MPP7: variants seen among roughly 807,000 people sequenced by gnomAD.
MPP7 encodes the protein MAGUK p55 subfamily member 7.
In MPP7, 60 loss-of-function variants were observed where a neutral mutation model predicts 76.5. That is an observed-to-expected ratio of 0.78 (90% CI 0.64 to 0.97). The LOEUF is 0.97. Among genes scored for constraint, MPP7 ranks in the 50% least tolerant of loss-of-function variants. The probability of loss-of-function intolerance (pLI) is 0.00; values close to 1 mark genes in which losing one functional copy is unlikely to be tolerated. For synonymous variants in MPP7, 237 were observed against 244.5 expected (o/e 0.97, Z 0.29); for missense variants, 641 against 694.0 (o/e 0.92, Z 0.86).
At chr10:28,234,945 G>C (rs1476726114) in intron 2 of MPP7, among the ~76,000 whole-genome samples, 1 of 152,178 alleles carries the variant, frequency 6.6e-6, no homozygotes, top group Non-Finnish European at 1.5e-5. Context: ...CAGGTAGCTG[G>C]AACTATAGGC....
At chr10:28,186,143 C>T (rs946538407) in intron 3 of MPP7, among the ~76,000 whole-genome samples, 6 of 152,082 alleles carry the variant, frequency 3.9e-5, no homozygotes, top group African/African-American at 1.2e-4. Context: ...GCCAAAAGTT[C>T]GAGACCAGCC....
At chr10:28,304,415 G>A (rs181310219), upstream of MPP7, among the ~76,000 whole-genome samples, 14 of 152,314 alleles carry the variant, frequency 9.2e-5, no homozygotes, top group African/African-American at 3.1e-4. Flanking sequence ...CCTGAGGAAG[G>A]AAAGGAATGT....
chr10:28,179,556 C>T (rs573039201), intron 3 of MPP7, among the ~76,000 whole-genome samples: 59 of 152,280 alleles, frequency 3.9e-4, no homozygotes, highest in African/African-American at 1.4e-3. Flanking sequence ...AGTTTCACAA[C>T]TCATTACATG....
chr10:28,073,509 C>T (rs1055290851), intron 12 of MPP7, among the ~76,000 whole-genome samples: 5 of 152,158 alleles, frequency 3.3e-5, no homozygotes, highest in East Asian at 1.9e-4. Flanking sequence ...GTGCCTCACA[C>T]CTGTAATCCC....
chr10:28,120,630 G>A lies in MPP7; in HGVS notation c.654C>T (p.Pro218=), dbSNP rs753337443. ...SQGAITFKII[P]GSKEETPSKE... Reference sequence around the variant, plus strand: ...TTGATGGTGTCTCCTCTTTGCTGCCGGGTATAATCTTAAATGTAATTGCTC... The same window carrying A: ...TTGATGGTGTCTCCTCTTTGCTGCCAGGTATAATCTTAAATGTAATTGCTC... The change falls in exon 9 of 17, where the codon CCC becomes CCT. Residue 218 remains proline, a synonymous_variant. Coordinates refer to ENST00000683449, the MANE Select transcript of MPP7 (RefSeq NM_001318170.2). The A allele has an allele frequency of 8.1e-5, 131 of 1,613,720 alleles. No individual in the cohort carries two copies. Among genetic ancestry groups the A allele is most frequent in the East Asian group, 2.0e-4 (9 of 44,814 alleles).
intron 1 of MPP7, among the ~76,000 whole-genome samples, chr10:28,289,575 C>T (rs1840865023): frequency 6.6e-6 from 1 of 152,148 alleles, no homozygotes. Flanking sequence ...AGATGTGTGG[C>T]CAAGAGCTCA....
chr10:28,251,296 C>G (rs1839605748), intron 1 of MPP7, among the ~76,000 whole-genome samples: 1 of 152,006 alleles, frequency 6.6e-6, no homozygotes, highest in South Asian at 2.1e-4. Context: ...GAAACCCCAT[C>G]TCTACTAAAA....
chr10:28,089,425 G>A (rs11006851), intron 12 of MPP7, among the ~76,000 whole-genome samples: 50,466 of 151,982 alleles, frequency 0.33, 11,390 homozygotes, highest in East Asian at 0.95. Flanking sequence ...TATTACAACA[G>A]TGTTTGCTAT....
chr10:28,188,765 G>C (rs1239932541), intron 3 of MPP7, among the ~76,000 whole-genome samples: 1 of 152,028 alleles, frequency 6.6e-6, no homozygotes, highest in African/African-American at 2.4e-5. Flanking sequence ...ATTACTTCAG[G>C]CTTCTCATCA....
chr10:28,315,253 AAGGG>A (rs199506312), intron 2 of MPP7, among the ~76,000 whole-genome samples: 1 of 133,588 alleles, frequency 7.5e-6, no homozygotes, highest in African/African-American at 2.8e-5. Context: ...GAAAGGAAGG[AAGGG>A]AGGGAGGGAA....
chr10:28,151,055 T>A (rs1385242971), intron 3 of MPP7, among the ~76,000 whole-genome samples: 1 of 152,242 alleles, frequency 6.6e-6, no homozygotes, highest in Non-Finnish European at 1.5e-5. Flanking sequence ...CCTCACAATT[T>A]CCTGTCTTTA....
intron 3 of MPP7, among the ~76,000 whole-genome samples, chr10:28,198,299 AGGCGCAGT>A (rs1418811695): frequency 7.2e-5 from 11 of 152,162 alleles, no homozygotes; most frequent in Non-Finnish European, 1.6e-4. Context: ...AATATAGGCC[AGGCGCAGT>A]GGCTCACACC....
At chr10:28,152,042 T>C (rs570214859) in intron 3 of MPP7, among the ~76,000 whole-genome samples, 1 of 152,368 alleles carries the variant, frequency 6.6e-6, no homozygotes, top group Admixed American at 6.5e-5. Context: ...GTTTTCTTTC[T>C]GATGGCTTCC....
chr10:28,252,147 T>C (rs1056761378), intron 1 of MPP7, among the ~76,000 whole-genome samples: 1 of 152,228 alleles, frequency 6.6e-6, no homozygotes, highest in Non-Finnish European at 1.5e-5. Flanking sequence ...CAAATGCTTA[T>C]CAAACTCCTG....
chr10:28,132,316 G>T (rs1835219618), intron 5 of MPP7, among the ~76,000 whole-genome samples: 1 of 152,126 alleles, frequency 6.6e-6, no homozygotes. Context: ...GTGAGTTTTG[G>T]ACTTTCAACA....
intron 1 of MPP7, among the ~76,000 whole-genome samples, chr10:28,252,921 A>G (rs112282917): frequency 0.05 from 7,300 of 145,558 alleles, 382 homozygotes; most frequent in African/African-American, 0.13. Context: ...TTTTTTTGGG[A>G]GGGGGGGGCG....
chr10:28,264,573 C>CA (rs1554861077), intron 1 of MPP7, among the ~76,000 whole-genome samples: 3 of 135,618 alleles, frequency 2.2e-5, no homozygotes, highest in African/African-American at 5.4e-5. Context: ...CCTCAGGGAG[C>CA]TTTTTTTTTT....
intron 2 of MPP7, among the ~76,000 whole-genome samples, chr10:28,314,245 C>T (rs1166608572): frequency 1.3e-5 from 2 of 152,156 alleles, no homozygotes; most frequent in African/African-American, 2.4e-5. Context: ...GGAAAGAATA[C>T]AAACATGTTT....
In MPP7 at chr10:28,258,382, TTATA is replaced by T. The variant is rs59151395; in HGVS notation, c.-131-19651_-131-19648del. On this transcript the variant is annotated intron_variant, in intron 1 of 16. Coordinates refer to ENST00000683449, the MANE Select transcript of MPP7 (RefSeq NM_001318170.2). ...TAAGATATAAATAACATATTAAATA[TTATA>T]TATATATATATATATATATAAATTT... is the stretch of plus-strand genomic sequence containing the variant. Among the ~76,000 whole-genome samples the T allele has an allele frequency of 6.0e-3, 846 of 141,252 alleles. 7 individuals are homozygous for T. Among genetic ancestry groups the T allele is most frequent in the African/African-American group, 0.02 (772 of 38,962 alleles). The allele number at this position is 141,252 out of a possible 152,430, so 92.7% of individuals were successfully genotyped here.
Sources: gnomAD v4.1 joint callset for allele counts (sites outside exome capture counted in the v4.1 genomes callset) on GRCh38, gnomAD v4.1.1 for gene constraint, MANE v1.5 for transcripts, NCBI Gene and HGNC (gene_info 2026-07-23, HGNC 2026-07-21) for gene names.